TSPAN1: variants seen among roughly 807,000 people sequenced by gnomAD.
The protein encoded by TSPAN1 is tetraspanin 1.
TSPAN1 carries 23 observed loss-of-function variants against 26.9 expected under a neutral mutation model. That is an observed-to-expected ratio of 0.85 (90% CI 0.62 to 1.21). The LOEUF is 1.21. TSPAN1 is among the 50% of genes most tolerant of loss of function. The probability of loss-of-function intolerance (pLI) is 0.00; values close to 1 mark genes in which losing one functional copy is unlikely to be tolerated. For synonymous variants in TSPAN1, 115 were observed against 114.8 expected (o/e 1.00, Z -0.01); for missense variants, 283 against 298.4 (o/e 0.95, Z 0.38).
At chr1:46,195,848 A>G in the TSPAN1 span, 1 of 1,611,384 alleles carries the variant, frequency 6.2e-7, no homozygotes, top group Non-Finnish European at 8.5e-7. Context: ...GGGCGCTACC[A>G]TGTTGAGGAA....
chr1:46,195,635 C>T, the TSPAN1 span: 1 of 704,162 alleles, frequency 1.4e-6, no homozygotes, highest in East Asian at 2.8e-5. Context: ...TGGCATACAG[C>T]TGTTGCTCAA....
intron 1 of TSPAN1, among the ~76,000 whole-genome samples, chr1:46,179,973 G>C (rs1290292232): frequency 6.6e-6 from 1 of 152,076 alleles, no homozygotes; most frequent in African/African-American, 2.4e-5. Flanking sequence ...GAGTGTGTGT[G>C]TGTGTGTGTG....
At chr1:46,190,285 C>T (rs1657660091), downstream of TSPAN1, 1 of 771,488 alleles carries the variant, frequency 1.3e-6, no homozygotes, top group South Asian at 1.5e-5. Flanking sequence ...ACCTCATGAT[C>T]CACCCACCTC....
At chr1:46,193,926 C>G in the TSPAN1 span, 2 of 1,614,014 alleles carry the variant, frequency 1.2e-6, no homozygotes, top group Non-Finnish European at 1.7e-6. Flanking sequence ...TGTCTGGGAG[C>G]TGTGGGAGAA....
the TSPAN1 span, chr1:46,192,078 G>T: frequency 6.2e-7 from 1 of 1,609,950 alleles, no homozygotes; most frequent in Non-Finnish European, 8.5e-7. Context: ...ACTGTGCCCT[G>T]CTCCCTGCCT....
the TSPAN1 span, chr1:46,194,000 C>A: frequency 6.3e-7 from 1 of 1,593,504 alleles, no homozygotes; most frequent in South Asian, 1.1e-5. Context: ...GAAGACTTCT[C>A]AGGTGAGGGT....
chr1:46,176,255 T>C, intron 1 of TSPAN1: 1 of 1,535,690 alleles, frequency 6.5e-7, no homozygotes, highest in South Asian at 1.2e-5. Flanking sequence ...CACACTATGG[T>C]GGTGTCAGTG....
intron 3 of TSPAN1, among the ~76,000 whole-genome samples, chr1:46,181,971 T>G (rs574779853): frequency 1.8e-4 from 28 of 151,882 alleles, no homozygotes; most frequent in African/African-American, 6.3e-4. Flanking sequence ...ATCCTGGAGA[T>G]GGTGGTGGAG....
At chr1:46,184,040 A>T in intron 3 of TSPAN1, 151 bp from the exon 4 acceptor site, 1 of 765,748 alleles carries the variant, frequency 1.3e-6, no homozygotes, top group Non-Finnish European at 2.2e-6. Flanking sequence ...TTCTGGCTCT[A>T]GAGGATGTTT....
the TSPAN1 span, chr1:46,193,230 G>A: frequency 6.2e-7 from 1 of 1,614,152 alleles, no homozygotes; most frequent in Non-Finnish European, 8.5e-7. Context: ...GAGTGGGGTG[G>A]GAATAGGGCA....
In TSPAN1 at chr1:46,176,327, G is replaced by A. The variant is rs531318874; in HGVS notation, c.-142+918G>A. 32 of 1,535,764 alleles carry A rather than the reference G, an allele frequency of 2.1e-5. No homozygotes were observed. In the South Asian group the frequency reaches 2.1e-4, roughly 10 times the overall value. On this transcript the variant is annotated intron_variant, in intron 1 of 8. Coordinates refer to ENST00000372003, the MANE Select transcript of TSPAN1 (RefSeq NM_005727.4). ...TTGATGGCTGCACTGCTGGCAGTTC[G>A]ACCTCGGAGACCCTGTTGATATCTT... is the stretch of plus-strand genomic sequence containing the variant.
intron 1 of TSPAN1, chr1:46,175,634 G>A: frequency 5.0e-6 from 2 of 399,470 alleles, no homozygotes; most frequent in Non-Finnish European, 8.8e-6. Flanking sequence ...TGAGAACTGA[G>A]GAGAGGAAGG....
At chr1:46,187,069 A>G (rs558953481), downstream of TSPAN1, among the ~76,000 whole-genome samples, 6 of 152,320 alleles carry the variant, frequency 3.9e-5, no homozygotes, top group Non-Finnish European at 8.8e-5. Context: ...CAGCCTCCCA[A>G]AGAGCTGGGA....
At chr1:46,186,488 C>CTTTTTTTTTTTT (rs751253861), downstream of TSPAN1, among the ~76,000 whole-genome samples, 1 of 130,120 alleles carries the variant, frequency 7.7e-6, no homozygotes, top group Admixed American at 7.8e-5. Context: ...CTTTTCTTTT[C>CTTTTTTTTTTTT]TTTTTTTTTT....
At chr1:46,190,711 A>C (rs1657699376), downstream of TSPAN1, 4 of 1,611,564 alleles carry the variant, frequency 2.5e-6, no homozygotes, top group South Asian at 3.3e-5. Flanking sequence ...CCCTGCTGCC[A>C]GCCCCAACCT....
At chr1:46,188,380 G>A (rs1457672239), downstream of TSPAN1, among the ~76,000 whole-genome samples, 1 of 152,134 alleles carries the variant, frequency 6.6e-6, no homozygotes, top group Non-Finnish European at 1.5e-5. Flanking sequence ...TGTCTCTGGG[G>A]ACAGGTGCCC....
intron 3 of TSPAN1, chr1:46,183,859 G>A: frequency 4.9e-6 from 2 of 412,044 alleles, no homozygotes; most frequent in South Asian, 2.3e-5. Flanking sequence ...TAGGAGGCTG[G>A]GCCCTCACCT....
At chr1:46,192,604 G>C in the TSPAN1 span, 1 of 1,613,626 alleles carries the variant, frequency 6.2e-7, no homozygotes, top group Non-Finnish European at 8.5e-7. Flanking sequence ...AGAGAGGCAG[G>C]GTCAAAGAGT....
chr1:46,179,580 C>T (rs1362935175), intron 1 of TSPAN1, among the ~76,000 whole-genome samples: 2 of 152,136 alleles, frequency 1.3e-5, no homozygotes, highest in Non-Finnish European at 2.9e-5. Flanking sequence ...CTGAATGACC[C>T]AGAAGCCAGG....
Sources: gnomAD v4.1 joint callset for allele counts (sites outside exome capture counted in the v4.1 genomes callset) on GRCh38, gnomAD v4.1.1 for gene constraint, MANE v1.5 for transcripts, NCBI Gene and HGNC (gene_info 2026-07-23, HGNC 2026-07-21) for gene names.